Variants in NDUFS3 observed in about 807,000 individuals in gnomAD.
The protein encoded by NDUFS3 is NADH dehydrogenase [ubiquinone] iron-sulfur protein 3, mitochondrial.
A neutral mutation model predicts 30.8 loss-of-function variants in NDUFS3; 19 were observed. That is an observed-to-expected ratio of 0.62 (90% CI 0.43 to 0.91). The LOEUF is 0.91. Among genes scored for constraint, NDUFS3 ranks in the 40% least tolerant of loss-of-function variants. The probability of loss-of-function intolerance (pLI) is 0.00; values close to 1 mark genes in which losing one functional copy is unlikely to be tolerated. For missense variants in NDUFS3, 331 were observed against 342.0 expected (o/e 0.97, Z 0.25); for synonymous variants, 153 against 135.8 (o/e 1.13, Z -0.88).
At chr11:47,579,877 G>T (rs2097267166) in intron 2 of NDUFS3, among the ~76,000 whole-genome samples, 1 of 152,168 alleles carries the variant, frequency 6.6e-6, no homozygotes, top group Non-Finnish European at 1.5e-5. Context: ...TGATTGCTCA[G>T]TGGTTTAGGG....
At position 47,582,131 on chromosome 11, in the gene NDUFS3, G is replaced by C; in HGVS notation, c.425G>C (p.Arg142Pro). The change falls in exon 5 of 7, where the codon CGT becomes CCT. Residue 142 changes from arginine to proline, a missense_variant. Arg to Pro is a moderately radical substitution (Grantham distance 103). Transcript: ENST00000263774. ...LLSLRFNSRIRVKTYTDELTP... is the reference protein window; with the variant it reads ...LLSLRFNSRIPVKTYTDELTP... ...TCTCTGCGCTTCAACTCACGGATCC[G>C]TGTGAAGACCTACACAGATGAGCTG... 1 of 1,613,888 alleles carries C rather than the reference G, an allele frequency of 6.2e-7. No homozygotes were observed. The highest frequency in any genetic ancestry group is 8.5e-7 in the Non-Finnish European group (1 of 1,179,952).
In NDUFS3 at chr11:47,579,322, G is replaced by C. The variant is rs979680035; in HGVS notation, c.121G>C (p.Ala41Pro). 1 of 1,613,700 alleles carries C rather than the reference G, an allele frequency of 6.2e-7. No homozygotes were observed. The highest frequency in any genetic ancestry group is 1.3e-5 in the African/African-American group (1 of 74,946). The change falls in exon 2 of 7, where the codon GCC (alanine) becomes CCC (proline). Residue 41 changes from alanine to proline, a missense_variant. By Grantham distance (27) the Ala-to-Pro change is conservative. Coordinates refer to ENST00000263774, the MANE Select transcript of NDUFS3 (RefSeq NM_004551.3). ...LLPVRRESAG[A>P]DTRPTVRPRN... ...GCCGGTGAGGCGGGAGAGCGCCGGG[G>C]CCGACACGCGCCGTGAGTATGTGCG...
At chr11:47,582,063 C>T in intron 4 of NDUFS3, 25 bp from the exon 5 acceptor site, 1 of 1,613,026 alleles carries the variant, frequency 6.2e-7, no homozygotes, top group East Asian at 2.2e-5. Context: ...CATCTCAGCC[C>T]TCCAGATCCT....
At position 47,582,463 on chromosome 11, in the gene NDUFS3, G is replaced by A; in HGVS notation, c.622G>A (p.Val208Ile). The A allele has an allele frequency of 6.2e-7, 1 of 1,614,206 alleles. No homozygotes were observed. The highest frequency in any genetic ancestry group is 8.5e-7 in the Non-Finnish European group (1 of 1,180,038). Residue 208 changes from valine to isoleucine, a missense_variant, in exon 6 of 7, where the codon GTT (valine) becomes ATT (isoleucine). Coordinates refer to ENST00000263774, the MANE Select transcript of NDUFS3 (RefSeq NM_004551.3). Reference protein sequence around the residue: ...FRKDFPLSGYVELRYDDEVKR... With the variant: ...FRKDFPLSGYIELRYDDEVKR... ...GAAAGACTTTCCTCTATCTGGCTATGTTGAGGTAGGAGCCTTGGAACTGGG... is the reference window on the plus strand; with the variant it reads ...GAAAGACTTTCCTCTATCTGGCTATATTGAGGTAGGAGCCTTGGAACTGGG...
At position 47,584,409 on chromosome 11, in the gene NDUFS3, T is replaced by C. The variant is rs2097270162; in HGVS notation, c.723T>C (p.Ala241=). 1.2e-6 allele frequency: 2 copies of C among 1,613,944 alleles called. No homozygotes were observed. The highest frequency in any genetic ancestry group is 2.7e-5 in the African/African-American group (2 of 74,864). The change falls in exon 7 of 7, where the codon GCT becomes GCC. Residue 241 remains alanine (A), a synonymous_variant. Transcript: ENST00000263774. ...RKFDLNSPWE[A]FPVYRQPPES... ...TTGACCTGAACAGCCCCTGGGAGGC[T>C]TTCCCAGTCTATCGCCAACCCCCGG...
rs1179479122 is a variant in NDUFS3 at position 47,584,327 on chromosome 11, A to C, written c.641A>C (p.Asp214Ala). 1.2e-6 allele frequency: 2 copies of C among 1,614,002 alleles called. No individual in the cohort carries two copies. Among genetic ancestry groups the C allele is most frequent in the Non-Finnish European group, 1.7e-6 (2 of 1,180,032 alleles). ...TTGCTCCTGCAGTTACGTTATGATG[A>C]TGAAGTGAAGCGGGTGGTGGCAGAG... Reference protein sequence around the residue: ...LSGYVELRYDDEVKRVVAEPV... With the variant: ...LSGYVELRYDAEVKRVVAEPV... Residue 214 changes from aspartate (D) to alanine (A), a missense_variant, in exon 7 of 7, where the codon GAT becomes GCT. Coordinates refer to ENST00000263774, the MANE Select transcript of NDUFS3 (RefSeq NM_004551.3).
At position 47,581,335 on chromosome 11, in the gene NDUFS3, T is replaced by C. The variant is rs929458846; in HGVS notation, c.381+351T>C. 2 of 326,962 alleles carry C rather than the reference T, an allele frequency of 6.1e-6. 1 individual carries two copies. 20.3% of individuals were successfully genotyped at this position (326,962 alleles called of 1,614,324 possible). On this transcript the variant is annotated intron_variant, in intron 4 of 6. Transcript: ENST00000263774. The stretch of plus-strand genomic sequence containing the variant: ...CGCCCGGCTAATTTTTTGTATTTTT[T>C]TAGTGAAGACTGGGTTTCACCATGT...
At chr11:47,581,046 C>T (rs536324763) in intron 4 of NDUFS3, 62 bp downstream of exon 4, 4 of 1,592,284 alleles carry the variant, frequency 2.5e-6, no homozygotes, top group Non-Finnish European at 3.4e-6. Flanking sequence ...TTGTAACATA[C>T]AATAGAACAC....
rs1368285248 is a variant in NDUFS3, at chr11:47,582,338, CTCTTTCCTAGATCTGGGACATGT to C, written c.508-9_521del. On this transcript the variant is annotated splice_acceptor_variant and splice_polypyrimidine_tract_variant and coding_sequence_variant and intron_variant, in exon 6 of 7. Transcript: ENST00000263774. LOFTEE classifies it high-confidence loss of function. ...TGATGGATTGGCTGTTTGAGGTGGTCTCTTTCCTAGATCTGGGACATGTTTGGAGTCTTCTTTGCTAACCACCC... is the reference window on the plus strand; with the variant it reads ...TGATGGATTGGCTGTTTGAGGTGGTCTTGGAGTCTTCTTTGCTAACCACCC... The C allele has an allele frequency of 6.2e-7, 1 of 1,614,226 alleles. No homozygotes were observed. The highest frequency in any genetic ancestry group is 1.1e-5 in the South Asian group (1 of 91,080).
chr11:47,579,745 A>G (rs1313444877), intron 2 of NDUFS3: 1 of 300,550 alleles, frequency 3.3e-6, no homozygotes, highest in African/African-American at 2.1e-5. Flanking sequence ...TTCTTACTAT[A>G]GATCAGGAAA....
chr11:47,580,027 AC>A (rs1202882130), intron 2 of NDUFS3, among the ~76,000 whole-genome samples: 1 of 129,082 alleles, frequency 7.7e-6, no homozygotes, highest in African/African-American at 2.9e-5. Context: ...ACACACACAC[AC>A]ACCTGGGCCT....
At chr11:47,581,607 A>C in intron 4 of NDUFS3, 1 of 247,714 alleles carries the variant, frequency 4.0e-6, no homozygotes, top group South Asian at 5.3e-5. Context: ...TTAATATTTT[A>C]CTGATTATCT....
At position 47,584,513 on chromosome 11, in the gene NDUFS3, G is replaced by A. The variant is rs189495301; in HGVS notation, c.*32G>A. 4.7e-4 allele frequency: 764 copies of A among 1,611,490 alleles called. No homozygotes were observed. Among genetic ancestry groups the A allele is most frequent in the Non-Finnish European group, 6.0e-4 (710 of 1,178,280 alleles). On this transcript the variant is annotated 3_prime_UTR_variant, in exon 7 of 7. Coordinates refer to ENST00000263774, the MANE Select transcript of NDUFS3 (RefSeq NM_004551.3). The stretch of plus-strand genomic sequence containing the variant: ...GGAACGCATGTGGATCCTAGACAGC[G>A]CCTTATCTATGATTGAGTGTCCGTG...
chr11:47,579,314 G>A lies in NDUFS3; in HGVS notation c.113G>A (p.Ser38Asn), dbSNP rs774768330. 2.5e-6 allele frequency: 4 copies of A among 1,614,040 alleles called. No individual in the cohort carries two copies. Among genetic ancestry groups the A allele is most frequent in the Non-Finnish European group, 3.4e-6 (4 of 1,180,042 alleles). The change falls in exon 2 of 7, where the codon AGC becomes AAC. Residue 38 changes from serine (S) to asparagine (N), a missense_variant. Coordinates refer to ENST00000263774, the MANE Select transcript of NDUFS3 (RefSeq NM_004551.3). The part of the protein sequence containing the change: ...SVLLLPVRRE[S>N]AGADTRPTVR... The stretch of plus-strand genomic sequence containing the variant: ...CTGTTGCTGCCGGTGAGGCGGGAGA[G>A]CGCCGGGGCCGACACGCGCCGTGAG...
Position 47,584,378 on chromosome 11 carries a change from G to A in NDUFS3, c.692G>A (p.Arg231His), listed in dbSNP as rs773174072. The A allele has an allele frequency of 9.3e-6, 15 of 1,613,970 alleles. No individual in the cohort carries two copies. Among genetic ancestry groups the A allele is most frequent in the Admixed American group, 3.3e-5 (2 of 59,978 alleles). Residue 231 changes from arginine to histidine, a missense_variant, in exon 7 of 7, where the codon CGC becomes CAC. Coordinates refer to ENST00000263774, the MANE Select transcript of NDUFS3 (RefSeq NM_004551.3). ...CCGGTGGAGTTGGCCCAAGAGTTCCGCAAATTTGACCTGAACAGCCCCTGG... is the reference window on the plus strand; with the variant it reads ...CCGGTGGAGTTGGCCCAAGAGTTCCACAAATTTGACCTGAACAGCCCCTGG... ...AEPVELAQEF[R>H]KFDLNSPWEA... is the part of the protein sequence containing the mutation.
Position 47,579,324 on chromosome 11 carries a change from C to T in NDUFS3, c.123C>T (p.Ala41=), listed in dbSNP as rs141187412. ...LLPVRRESAG[A]DTRPTVRPRN... Reference sequence around the variant, plus strand: ...CGGTGAGGCGGGAGAGCGCCGGGGCCGACACGCGCCGTGAGTATGTGCGGG... The same window carrying T: ...CGGTGAGGCGGGAGAGCGCCGGGGCTGACACGCGCCGTGAGTATGTGCGGG... Residue 41 remains alanine (A), a synonymous_variant, in exon 2 of 7, where the codon GCC becomes GCT. Coordinates refer to ENST00000263774, the MANE Select transcript of NDUFS3 (RefSeq NM_004551.3). The T allele has an allele frequency of 2.1e-4, 341 of 1,613,808 alleles. 3 individuals are homozygous for T. The Middle Eastern group carries it at 2.5e-3, about 12-fold the overall frequency.
At chr11:47,579,228 G>C (rs1184841957) in intron 1 of NDUFS3, 41 bp from the exon 2 acceptor site, 2 of 1,614,068 alleles carry the variant, frequency 1.2e-6, no homozygotes, top group Non-Finnish European at 1.7e-6. Context: ...AGCTCCTCAG[G>C]GCTCATCCCG....
At chr11:47,579,532 A>G (rs2097266876) in intron 2 of NDUFS3, 198 bp downstream of exon 2, 1 of 648,422 alleles carries the variant, frequency 1.5e-6, no homozygotes, top group South Asian at 1.9e-5. Flanking sequence ...TTCCTTGTCC[A>G]TTTCAATCAT....
Position 47,584,481 on chromosome 11 carries a change from G to A in NDUFS3, c.795G>A (p.Ter265=). ...GAGACAAGAAGCCTGATGCCAAGTA[G>A]CTCCAGGGAACGCATGTGGATCCTA... ...EAGDKKPDAK[*] Residue 265 remains the stop codon, a stop_retained_variant, in exon 7 of 7, where the codon TAG becomes TAA. Coordinates refer to ENST00000263774, the MANE Select transcript of NDUFS3 (RefSeq NM_004551.3). 1.9e-6 allele frequency: 3 copies of A among 1,614,098 alleles called. No homozygotes were observed. The highest frequency in any genetic ancestry group is 2.5e-6 in the Non-Finnish European group (3 of 1,180,016).
Sources: allele counts gnomAD v4.1 joint callset (sites outside exome capture counted in the v4.1 genomes callset), GRCh38; gene constraint gnomAD v4.1.1; transcripts MANE v1.5; gene names NCBI Gene and HGNC (gene_info 2026-07-23, HGNC 2026-07-21).